Variants in SLIT2 observed in about 807,000 individuals in gnomAD.
The protein encoded by SLIT2 is slit guidance ligand 2.
A neutral mutation model predicts 185.7 loss-of-function variants in SLIT2; 41 were observed. That is an observed-to-expected ratio of 0.22 (90% CI 0.17 to 0.29). The LOEUF (loss-of-function observed/expected upper bound fraction) is 0.29, where lower values mean the gene tolerates loss of function less well. SLIT2 is among the 10% of genes least tolerant of loss of function. The pLI is 1.00. For synonymous variants in SLIT2, 693 were observed against 680.2 expected (o/e 1.02, Z -0.29); for missense variants, 1,571 against 1,909.0 (o/e 0.82, Z 3.30).
At chr4:20,527,551 C>T (rs1283231531) in intron 15 of SLIT2, among the ~76,000 whole-genome samples, 1 of 152,134 alleles carries the variant, frequency 6.6e-6, no homozygotes, top group African/African-American at 2.4e-5. Flanking sequence ...TCCCGAAGTG[C>T]TAGTATTACA....
intron 29 of SLIT2, among the ~76,000 whole-genome samples, chr4:20,578,400 T>G (rs2148930315): frequency 6.6e-6 from 1 of 152,358 alleles, no homozygotes; most frequent in East Asian, 1.9e-4. Flanking sequence ...TATTCAAATC[T>G]TTCTTGAGTT....
At chr4:20,273,906 CT>C (rs1713890335) in intron 4 of SLIT2, among the ~76,000 whole-genome samples, 1 of 152,168 alleles carries the variant, frequency 6.6e-6, no homozygotes, top group Admixed American at 6.5e-5. Context: ...TGTTTGGCCC[CT>C]GCCACAATAA....
intron 4 of SLIT2, among the ~76,000 whole-genome samples, chr4:20,394,088 A>G (rs1725681510): frequency 1.3e-5 from 2 of 152,000 alleles, no homozygotes; most frequent in African/African-American, 4.8e-5. Flanking sequence ...GTAAAAGAAT[A>G]TTTGGTGGCT....
At chr4:20,378,497 T>A (rs1034905793) in intron 4 of SLIT2, among the ~76,000 whole-genome samples, 5 of 152,144 alleles carry the variant, frequency 3.3e-5, no homozygotes, top group Non-Finnish European at 7.4e-5. Context: ...GAGCTTTTTT[T>A]AATTAGGAAA....
At chr4:20,282,557 C>A (rs1026808796) in intron 4 of SLIT2, among the ~76,000 whole-genome samples, 2 of 152,096 alleles carry the variant, frequency 1.3e-5, no homozygotes, top group Non-Finnish European at 2.9e-5. Flanking sequence ...AGTGATACCT[C>A]CAGTGTGCAC....
chr4:20,492,845 A>G (rs1440729604), intron 9 of SLIT2, among the ~76,000 whole-genome samples: 2 of 152,198 alleles, frequency 1.3e-5, no homozygotes, highest in African/African-American at 4.8e-5. Context: ...TGTACCTTAT[A>G]TGAGAATAAT....
intron 4 of SLIT2, among the ~76,000 whole-genome samples, chr4:20,395,188 G>A (rs917441817): frequency 5.9e-5 from 9 of 151,906 alleles, no homozygotes; most frequent in African/African-American, 2.2e-4. Flanking sequence ...TTTGTGAGTG[G>A]GTGTTTTGCT....
In SLIT2 at chr4:20,388,893, T is replaced by TATATATAATATATACATATAATATATATA. The variant is rs1370320677; in HGVS notation, c.396-78842_396-78814dup. Among the ~76,000 whole-genome samples the TATATATAATATATACATATAATATATATA allele has an allele frequency of 9.7e-4, 142 of 145,822 alleles. 1 individual carries two copies. The highest frequency in any genetic ancestry group is 3.2e-3 in the East Asian group (16 of 5,070). Reference sequence around the variant, plus strand: ...AATATATAATATATATAAAACATAATATATATAATATATACATATAATATA... The same window carrying TATATATAATATATACATATAATATATATA: ...AATATATAATATATATAAAACATAATATATATAATATATACATATAATATATATAATATATAATATATACATATAATATA... On this transcript the variant is annotated intron_variant, in intron 4 of 36. Transcript: ENST00000504154.
intron 4 of SLIT2, among the ~76,000 whole-genome samples, chr4:20,367,022 C>T (rs1309655308): frequency 6.6e-6 from 1 of 152,058 alleles, no homozygotes; most frequent in Non-Finnish European, 1.5e-5. Flanking sequence ...TGCTCTCTAA[C>T]TCCTGGGTTT....
intron 4 of SLIT2, among the ~76,000 whole-genome samples, chr4:20,349,194 G>T (rs1273997528): frequency 6.6e-6 from 1 of 152,178 alleles, no homozygotes; most frequent in African/African-American, 2.4e-5. Flanking sequence ...AAGTCCAAAA[G>T]AAATGCCTGA....
chr4:20,563,747 T>C (rs1372056068), intron 26 of SLIT2, among the ~76,000 whole-genome samples: 2 of 151,856 alleles, frequency 1.3e-5, no homozygotes, highest in East Asian at 3.9e-4. Flanking sequence ...GCTTTTCTCC[T>C]TTTAAATAAA....
chr4:20,386,989 G>A (rs1020140210), intron 4 of SLIT2, among the ~76,000 whole-genome samples: 15 of 152,168 alleles, frequency 9.9e-5, no homozygotes, highest in African/African-American at 3.1e-4. Flanking sequence ...TAGAGACGGG[G>A]TGTGGCTTCA....
rs2108998054 is a variant in SLIT2 at position 20,252,660 on chromosome 4, G to T, written c.-1156G>T. Among the ~76,000 whole-genome samples the T allele has an allele frequency of 6.6e-6, 1 of 152,330 alleles. No homozygotes were observed. Among genetic ancestry groups the T allele is most frequent in the Admixed American group, 6.5e-5 (1 of 15,306 alleles). ...CCTTTGCCATCAGGTGTCTGCCGCG[G>T]AGCTGCGGCTTATCTGGGAGACGAG... On this transcript the variant is annotated 5_prime_UTR_variant, in exon 1 of 37. Coordinates refer to ENST00000504154, the MANE Select transcript of SLIT2 (RefSeq NM_004787.4).
rs754190582 is a variant in SLIT2, at chr4:20,553,761, G to GTA, written c.2562-43_2562-42insAT. ...TGTGTGTGTGTGTGTGTGTGTATGTGTGTGTGTGTATGTGTGTGTGCTTCT... is the reference window on the plus strand; with the variant it reads ...TGTGTGTGTGTGTGTGTGTGTATGTGTATGTGTGTGTATGTGTGTGTGCTTCT... On this transcript the variant is annotated intron_variant, in intron 25 of 36. Coordinates refer to ENST00000504154, the MANE Select transcript of SLIT2 (RefSeq NM_004787.4). 8.1e-6 allele frequency: 12 copies of GTA among 1,476,574 alleles called. 1 individual carries two copies. The African/African-American group carries it at 1.6e-4, about 19-fold the overall frequency. The allele number at this position is 1,476,574 out of a possible 1,614,324, so 91.5% of individuals were successfully genotyped here.
intron 4 of SLIT2, among the ~76,000 whole-genome samples, chr4:20,340,754 C>G (rs1414815548): frequency 1.3e-5 from 2 of 152,242 alleles, no homozygotes; most frequent in South Asian, 4.1e-4. Flanking sequence ...GTGCCCGCCA[C>G]TAGACCCGGC....
At chr4:20,463,495 G>GTGTGTT (rs1713987360) in intron 4 of SLIT2, among the ~76,000 whole-genome samples, 1 of 108,200 alleles carries the variant, frequency 9.2e-6, no homozygotes, top group Non-Finnish European at 2.0e-5. Context: ...ATATATATGT[G>GTGTGTT]TGTGTGCGTA....
chr4:20,317,688 C>G (rs1208293607), intron 4 of SLIT2, among the ~76,000 whole-genome samples: 3 of 151,988 alleles, frequency 2.0e-5, no homozygotes, highest in African/African-American at 4.8e-5. Context: ...GGGCTTGTTC[C>G]TGTCAGTAAC....
At chr4:20,613,095 C>T (rs546110413) in intron 34 of SLIT2, among the ~76,000 whole-genome samples, 3 of 152,114 alleles carry the variant, frequency 2.0e-5, no homozygotes, top group African/African-American at 7.2e-5. Context: ...AACAGTGTGG[C>T]GATTCCTAAA....
intron 4 of SLIT2, among the ~76,000 whole-genome samples, chr4:20,453,535 C>T (rs1030038744): frequency 6.6e-6 from 1 of 152,042 alleles, no homozygotes; most frequent in Non-Finnish European, 1.5e-5. Flanking sequence ...TTCCCAGCAG[C>T]CCTATGAAAT....
Sources: allele counts gnomAD v4.1 joint callset (sites outside exome capture counted in the v4.1 genomes callset), GRCh38; gene constraint gnomAD v4.1.1; transcripts MANE v1.5; gene names NCBI Gene and HGNC (gene_info 2026-07-23, HGNC 2026-07-21).